Variants in CEP85L observed in about 807,000 individuals in gnomAD.
The protein encoded by CEP85L is centrosomal protein of 85 kDa-like.
A neutral mutation model predicts 100.3 loss-of-function variants in CEP85L; 60 were observed. The observed-to-expected ratio is 0.60, with a 90% CI of 0.49 to 0.74. The LOEUF (loss-of-function observed/expected upper bound fraction) is 0.74. Among genes scored for constraint, CEP85L ranks in the 30% least tolerant of loss-of-function variants. The probability of loss-of-function intolerance (pLI) is 0.00; values close to 1 mark genes in which losing one functional copy is unlikely to be tolerated. For missense variants in CEP85L, 973 were observed against 936.2 expected (o/e 1.04, Z -0.51); for synonymous variants, 319 against 322.7 (o/e 0.99, Z 0.12).
intron 1 of CEP85L, among the ~76,000 whole-genome samples, chr6:118,698,665 C>T (rs1777293410): frequency 6.6e-6 from 1 of 152,166 alleles, no homozygotes; most frequent in South Asian, 2.1e-4. Context: ...TTCCACTTGA[C>T]TTAGCCTACA....
In CEP85L at chr6:118,462,799, C is replaced by T. The variant is rs984311928; in HGVS notation, c.*2606G>A. ...TGATACAGAAGAGGATATTCTAATA[C>T]AAGAGGGTGTCCTGGGAAAGGAAAA... On this transcript the variant is annotated 3_prime_UTR_variant, in exon 13 of 13. Transcript: ENST00000368491. 1 of 151,744 alleles carries T rather than the reference C, an allele frequency of 6.6e-6. No homozygotes were observed. Among genetic ancestry groups the T allele is most frequent in the African/African-American group, 2.4e-5 (1 of 41,348 alleles). The allele number at this position is 151,744 out of a possible 1,614,324, so 9.4% of individuals were successfully genotyped here. A position where few individuals can be genotyped will look rare whatever the true frequency, so the allele number is the denominator to read the frequency against.
chr6:118,610,098 A>G (rs1264509069), intron 2 of CEP85L, among the ~76,000 whole-genome samples: 7 of 152,222 alleles, frequency 4.6e-5, no homozygotes, highest in Non-Finnish European at 8.8e-5. Flanking sequence ...ATCGTATTAA[A>G]TCATCACCAC....
rs1436016848 is a variant in CEP85L at position 118,694,907 on chromosome 6, T to C, written c.-28+15129A>G. Among the ~76,000 whole-genome samples the C allele has an allele frequency of 3.3e-5, 5 of 152,308 alleles. No homozygotes were observed. The East Asian group carries it at 9.6e-4, about 29-fold the overall frequency. ...CGGATTGTCAGTATTCTTTCCCTGG[T>C]AGAGTGACCTAGACTTTTATTACTA... On this transcript the variant is annotated intron_variant, in intron 1 of 13. Coordinates refer to the CEP85L transcript ENST00000368488.
At chr6:118,533,868 G>A (rs1777433568) in intron 3 of CEP85L, among the ~76,000 whole-genome samples, 1 of 152,166 alleles carries the variant, frequency 6.6e-6, no homozygotes, top group Non-Finnish European at 1.5e-5. Flanking sequence ...GCCGAGGCAG[G>A]TGGATCTCTT....
intron 2 of CEP85L, among the ~76,000 whole-genome samples, chr6:118,588,648 C>T (rs1781003708): frequency 6.6e-6 from 1 of 152,158 alleles, no homozygotes; most frequent in Non-Finnish European, 1.5e-5. Context: ...TTGGTTAGCC[C>T]CTTTATTAAG....
rs566879112 is a variant in CEP85L, at chr6:118,579,766, T to C, written c.233-13450A>G. Among the ~76,000 whole-genome samples, 9 of 152,386 alleles carry C rather than the reference T, an allele frequency of 5.9e-5. No individual in the cohort carries two copies. In the South Asian group the frequency reaches 1.0e-3, roughly 18 times the overall value. On this transcript the variant is annotated intron_variant, in intron 2 of 12. Transcript: ENST00000368491. ...GGCAGATAGAGAAGACAAGGGGTCC[T>C]TGGCAAGTTTCTTTTCTTTTAAGGC...
chr6:118,677,691 C>G (rs901712543), intron 1 of CEP85L, among the ~76,000 whole-genome samples: 2 of 152,202 alleles, frequency 1.3e-5, no homozygotes, highest in Non-Finnish European at 2.9e-5. Context: ...GATCCTTCTT[C>G]TTCTCCTGTA....
chr6:118,577,401 AC>A (rs1162574060), intron 2 of CEP85L, among the ~76,000 whole-genome samples: 1 of 151,862 alleles, frequency 6.6e-6, no homozygotes, highest in African/African-American at 2.4e-5. Flanking sequence ...AAAAAGAAGT[AC>A]CCCCCACGGG....
chr6:118,579,623 A>G (rs1045384791), intron 2 of CEP85L, among the ~76,000 whole-genome samples: 1 of 152,244 alleles, frequency 6.6e-6, no homozygotes, highest in Admixed American at 6.5e-5. Context: ...TAAAACTATT[A>G]CTTTATGATA....
intron 5 of CEP85L, among the ~76,000 whole-genome samples, chr6:118,505,500 T>TCA (rs1232601393): frequency 7.5e-6 from 1 of 133,900 alleles, no homozygotes; most frequent in African/African-American, 2.8e-5. Context: ...CACTGGAAAA[T>TCA]CATGCACTAA....
intron 2 of CEP85L, among the ~76,000 whole-genome samples, chr6:118,619,625 T>C (rs1773308781): frequency 6.6e-6 from 1 of 152,268 alleles, no homozygotes; most frequent in Non-Finnish European, 1.5e-5. Context: ...CTAAGTCCCT[T>C]ACAAGCAGTA....
At chr6:118,483,658 T>C (rs762109700) in intron 7 of CEP85L, 48 bp downstream of exon 7, 6 of 1,556,586 alleles carry the variant, frequency 3.9e-6, no homozygotes, top group Non-Finnish European at 5.2e-6. Context: ...AGAGTCAAGT[T>C]AACATGTTTT....
intron 4 of CEP85L, among the ~76,000 whole-genome samples, chr6:118,521,806 C>T (rs915100451): frequency 2.0e-5 from 3 of 152,172 alleles, no homozygotes; most frequent in African/African-American, 7.2e-5. Flanking sequence ...CCTGCTACCA[C>T]AGACGCATAA....
At chr6:118,702,403 T>G (rs1777444836) in intron 1 of CEP85L, among the ~76,000 whole-genome samples, 1 of 152,004 alleles carries the variant, frequency 6.6e-6, no homozygotes, top group African/African-American at 2.4e-5. Flanking sequence ...TCCCAGCTAC[T>G]CAGAAAATTG....
intron 1 of CEP85L, among the ~76,000 whole-genome samples, chr6:118,648,676 A>G (rs1161117144): frequency 1.3e-5 from 2 of 148,932 alleles, no homozygotes; most frequent in Non-Finnish European, 3.0e-5. Flanking sequence ...TGGGAGGCGG[A>G]GCTTGCAGTG....
chr6:118,531,327 C>T (rs1305020296), intron 3 of CEP85L, among the ~76,000 whole-genome samples: 1 of 152,076 alleles, frequency 6.6e-6, no homozygotes, highest in African/African-American at 2.4e-5. Flanking sequence ...GCTGAAATTG[C>T]ACCCCTTCCT....
upstream of CEP85L, among the ~76,000 whole-genome samples, chr6:118,655,440 T>C (rs548183611): frequency 3.9e-5 from 6 of 152,330 alleles, no homozygotes; most frequent in South Asian, 1.0e-3. Context: ...ATGGAACTTA[T>C]TATGGTAACC....
At chr6:118,609,322 A>T (rs1772454204) in intron 2 of CEP85L, among the ~76,000 whole-genome samples, 1 of 152,178 alleles carries the variant, frequency 6.6e-6, no homozygotes, top group South Asian at 2.1e-4. Context: ...TGTGGAGTCA[A>T]ATTTTTCAAA....
chr6:118,538,335 C>T (rs1351002225), intron 3 of CEP85L, among the ~76,000 whole-genome samples: 3 of 151,476 alleles, frequency 2.0e-5, no homozygotes, highest in Non-Finnish European at 4.4e-5. Context: ...AATAACAATT[C>T]AAGTAAATTG....
Sources: gnomAD v4.1 joint callset for allele counts (sites outside exome capture counted in the v4.1 genomes callset) on GRCh38, gnomAD v4.1.1 for gene constraint, MANE v1.5 for transcripts, NCBI Gene and HGNC (gene_info 2026-07-23, HGNC 2026-07-21) for gene names.